Variants in RALGAPB observed in about 807,000 individuals in gnomAD.
The protein encoded by RALGAPB is Ral GTPase activating protein non-catalytic subunit beta.
Under a neutral mutation model 161.1 loss-of-function variants are expected in RALGAPB, and 25 were observed. That is an observed-to-expected ratio of 0.16 (90% CI 0.11 to 0.22). RALGAPB has a LOEUF of 0.22. Ranked by LOEUF, RALGAPB falls within the 10% of genes least tolerant of loss-of-function variation. The pLI is 1.00. For synonymous variants in RALGAPB, 629 were observed against 626.1 expected, an observed-to-expected ratio of 1.00 and a Z score of -0.07; for missense variants, 1,391 against 1,815.2, an observed-to-expected ratio of 0.77 and a Z score of 4.25.
At position 38,526,022 on chromosome 20, in the gene RALGAPB, A is replaced by C. The variant is rs1382718868; in HGVS notation, c.2030A>C (p.Asn677Thr). ...IGALQTETDP[N>T]NTQMILGAML... ...GCCTTGCAAACTGAAACGGACCCCA[A>C]CAACACCCAAATGATATTAGGTTTG... Residue 677 changes from asparagine (N) to threonine (T), a missense_variant, in exon 13 of 30, where the codon AAC (asparagine) becomes ACC (threonine). Around this residue, in one of 3 missense-constraint regions of RALGAPB, gnomAD observed 946 missense variants for 1,257.2 expected, o/e 0.75. Transcript: ENST00000262879. 6.2e-7 allele frequency: 1 copy of C among 1,613,776 alleles called. No homozygotes were observed. Among genetic ancestry groups the C allele is most frequent in the Admixed American group, 1.7e-5 (1 of 59,926 alleles).
In RALGAPB at chr20:38,532,829, A is replaced by G; in HGVS notation, c.2215A>G (p.Arg739Gly). ...GGAGCCCACGACTCCCGATAGTGAGAGACCTGCTCAAGCTCTCTTAAGAGA... is the reference window on the plus strand; with the variant it reads ...GGAGCCCACGACTCCCGATAGTGAGGGACCTGCTCAAGCTCTCTTAAGAGA... ...STEPTTPDSE[R>G]PAQALLRDYA... Residue 739 changes from arginine (R) to glycine (G), a missense_variant, in exon 15 of 30, where the codon AGA becomes GGA. Arg to Gly is a moderately radical substitution (Grantham distance 125). Coordinates refer to ENST00000262879, the MANE Select transcript of RALGAPB (RefSeq NM_020336.4). 1 of 1,614,248 alleles carries G rather than the reference A, an allele frequency of 6.2e-7. No homozygotes were observed.
chr20:38,536,094 A>G (rs971126389), intron 16 of RALGAPB, among the ~76,000 whole-genome samples: 4 of 152,190 alleles, frequency 2.6e-5, no homozygotes, highest in Admixed American at 2.6e-4. Context: ...AAATGTTTTT[A>G]TCATCCCTAA....
At chr20:38,552,278 T>C (rs776124893) in intron 21 of RALGAPB, among the ~76,000 whole-genome samples, 6 of 151,956 alleles carry the variant, frequency 3.9e-5, no homozygotes, top group Non-Finnish European at 8.8e-5. Flanking sequence ...GTAGCTGTGA[T>C]TACAGGCGCA....
At chr20:38,525,222 G>A (rs1383679000) in intron 11 of RALGAPB, among the ~76,000 whole-genome samples, 182 bp from the exon 12 acceptor site, 1 of 152,200 alleles carries the variant, frequency 6.6e-6, no homozygotes, top group Admixed American at 6.5e-5. Context: ...TAGGCCTTAC[G>A]TTTTAGGTAA....
Position 38,516,291 on chromosome 20 carries a change from G to C in RALGAPB, c.972G>C (p.Gln324His). 6.2e-7 allele frequency: 1 copy of C among 1,614,030 alleles called. No homozygotes were observed. Among genetic ancestry groups the C allele is most frequent in the Non-Finnish European group, 8.5e-7 (1 of 1,179,890 alleles). ...GCGGAATGCCGCAAGAATTGAATCA[G>C]TATCCCTGCCTTAAACATCTGCCTC... ...NVSGMPQELN[Q>H]YPCLKHLPQI... is the part of the protein sequence containing the mutation. The change falls in exon 7 of 30, where the codon CAG becomes CAC. Residue 324 changes from glutamine to histidine, a missense_variant. This residue lies in a region of RALGAPB where 946 missense variants were observed against 1,257.2 expected (regional missense o/e 0.75). Transcript: ENST00000262879.
At chr20:38,521,795 A>G (rs1460892423) in intron 10 of RALGAPB, 97 bp downstream of exon 10, 1 of 1,207,348 alleles carries the variant, frequency 8.3e-7, no homozygotes, top group East Asian at 2.4e-5. Context: ...TTGGTCTGAA[A>G]TACCTACAGA....
intron 2 of RALGAPB, among the ~76,000 whole-genome samples, chr20:38,491,217 A>T (rs1809649536): frequency 6.6e-6 from 1 of 152,156 alleles, no homozygotes; most frequent in South Asian, 2.1e-4. Context: ...ATCTTGTTAG[A>T]TTTAACTTTG....
chr20:38,498,697 A>C lies in RALGAPB; in HGVS notation c.554-750A>C, dbSNP rs2085497862. On this transcript the variant is annotated intron_variant, in intron 4 of 29. Coordinates refer to ENST00000262879, the MANE Select transcript of RALGAPB (RefSeq NM_020336.4). ...TCTTACAACTTTTCCTGTGAGTCCCAACTTTGCCTTCTGGAGCTATGCGGT... is the reference window on the plus strand; with the variant it reads ...TCTTACAACTTTTCCTGTGAGTCCCCACTTTGCCTTCTGGAGCTATGCGGT... Among the ~76,000 whole-genome samples the C allele has an allele frequency of 2.0e-5, 3 of 152,204 alleles. No individual in the cohort carries two copies. In the East Asian group the frequency reaches 5.8e-4, roughly 29 times the overall value.
At chr20:38,525,340 A>T in intron 11 of RALGAPB, 64 bp from the exon 12 acceptor site, 5 of 1,094,920 alleles carry the variant, frequency 4.6e-6, no homozygotes, top group Middle Eastern at 4.0e-4. Flanking sequence ...CATTATATGT[A>T]TTTGGCAGTA....
chr20:38,544,575 C>A (rs1243517809), intron 18 of RALGAPB, among the ~76,000 whole-genome samples: 1 of 152,134 alleles, frequency 6.6e-6, no homozygotes, highest in Non-Finnish European at 1.5e-5. Context: ...TCAAGCAATT[C>A]TCCTCCCTCA....
At chr20:38,531,955 C>CG (rs1232907092) in intron 14 of RALGAPB, among the ~76,000 whole-genome samples, 1 of 152,196 alleles carries the variant, frequency 6.6e-6, no homozygotes, top group Non-Finnish European at 1.5e-5. Context: ...CCTATACATA[C>CG]GGGAGTTAAA....
At chr20:38,556,125 A>T (rs566223834) in intron 22 of RALGAPB, among the ~76,000 whole-genome samples, 26 of 152,326 alleles carry the variant, frequency 1.7e-4, no homozygotes, top group African/African-American at 6.0e-4. Flanking sequence ...GTAGGTTCTT[A>T]CTTTAAAAGA....
chr20:38,479,349 G>A (rs892146083), intron 1 of RALGAPB, among the ~76,000 whole-genome samples: 3 of 152,218 alleles, frequency 2.0e-5, no homozygotes, highest in African/African-American at 7.2e-5. Context: ...GAACAGGGAT[G>A]TTGTTTATTT....
chr20:38,544,370 C>A (rs545008809), intron 18 of RALGAPB, among the ~76,000 whole-genome samples: 5 of 151,048 alleles, frequency 3.3e-5, no homozygotes, highest in Non-Finnish European at 1.5e-5. Context: ...TTAAATATTA[C>A]AAAGATTCAA....
At chr20:38,542,537 T>C (rs942189380) in intron 18 of RALGAPB, among the ~76,000 whole-genome samples, 2 of 152,152 alleles carry the variant, frequency 1.3e-5, no homozygotes, top group Non-Finnish European at 2.9e-5. Context: ...CTTATGCTGA[T>C]GATGAATACT....
chr20:38,551,456 A>G (rs1403907989), intron 21 of RALGAPB, among the ~76,000 whole-genome samples: 1 of 152,196 alleles, frequency 6.6e-6, no homozygotes, highest in Non-Finnish European at 1.5e-5. Context: ...GGTAGGTTTC[A>G]GTACTGTAGT....
intron 22 of RALGAPB, among the ~76,000 whole-genome samples, chr20:38,557,085 T>C (rs1021888561): frequency 6.6e-6 from 1 of 152,222 alleles, no homozygotes; most frequent in Non-Finnish European, 1.5e-5. Context: ...CTCTGGAGGA[T>C]GCTTTCCTGA....
intron 5 of RALGAPB, among the ~76,000 whole-genome samples, chr20:38,506,510 C>T (rs1231614827): frequency 6.6e-6 from 1 of 152,108 alleles, no homozygotes; most frequent in African/African-American, 2.4e-5. Flanking sequence ...TCCAGGCTGG[C>T]CTTGAACTCC....
chr20:38,553,797 AAAAAC>A, intron 21 of RALGAPB, 65 bp from the exon 22 acceptor site: 2 of 905,164 alleles, frequency 2.2e-6, no homozygotes, highest in Admixed American at 3.0e-5. Context: ...AAAAAAAAAA[AAAAAC>A]ACTTAAGATT....
Sources: gnomAD v4.1 joint callset for allele counts (sites outside exome capture counted in the v4.1 genomes callset) on GRCh38, gnomAD v4.1.1 for gene constraint, gnomAD v4.1.1 regional missense constraint, MANE v1.5 for transcripts, NCBI Gene and HGNC (gene_info 2026-07-23, HGNC 2026-07-21) for gene names.